Variants in STRN3 observed in about 807,000 individuals in gnomAD.
The protein encoded by STRN3 is striatin 3, also known as striatin-3.
STRN3 carries 29 observed loss-of-function variants against 95.6 expected under a neutral mutation model. That is an observed-to-expected ratio of 0.30 (90% CI 0.23 to 0.41). The LOEUF is 0.41. Among genes scored for constraint, STRN3 ranks in the 10% least tolerant of loss-of-function variants. The pLI, the probability that STRN3 is intolerant of heterozygous loss-of-function variation, is 1.00. For synonymous variants in STRN3, 331 were observed against 357.6 expected, an observed-to-expected ratio of 0.93 and a Z score of 0.84; for missense variants, 890 against 972.1, an observed-to-expected ratio of 0.92 and a Z score of 1.12.
chr14:30,926,637 TATA>T (rs1421865907), intron 8 of STRN3, among the ~76,000 whole-genome samples: 5 of 151,976 alleles, frequency 3.3e-5, no homozygotes, highest in African/African-American at 1.2e-4. Context: ...AAGTACTTCT[TATA>T]ATACTTCTTA....
intron 1 of STRN3, among the ~76,000 whole-genome samples, chr14:30,970,703 T>G (rs182003206): frequency 6.6e-6 from 1 of 152,216 alleles, no homozygotes; most frequent in East Asian, 1.9e-4. Context: ...CTCCTCCATC[T>G]AAGGACAAGG....
At position 30,955,669 on chromosome 14, in the gene STRN3, A is replaced by G. The variant is rs368540966; in HGVS notation, c.411T>C (p.Tyr137=). ...AGTCACCTTGGTTCAGTTCCGTGCC[A>G]TATTTTAATTTGTGATATTTTGCCC... ...QERAKYHKLK[Y]GTELNQGDLK... The change falls in exon 3 of 18, where the codon TAT becomes TAC. Residue 137 remains tyrosine (Y), a synonymous_variant. Coordinates refer to ENST00000357479, the MANE Select transcript of STRN3 (RefSeq NM_001083893.2). The G allele has an allele frequency of 3.0e-5, 48 of 1,582,774 alleles. No homozygotes were observed. Among genetic ancestry groups the G allele is most frequent in the Non-Finnish European group, 3.8e-5 (45 of 1,170,406 alleles).
chr14:30,893,972 A>G lies in STRN3; in HGVS notation c.*1439T>C, dbSNP rs1896061001. On this transcript the variant is annotated 3_prime_UTR_variant, in exon 18 of 18. Transcript: ENST00000357479. ...GTTTGCTATGTGGTACAATCTTAAA[A>G]ATTTGCTGATTCATAGTTTGTAAAA... 1 of 152,616 alleles carries G rather than the reference A, an allele frequency of 6.6e-6. No individual in the cohort carries two copies. Among genetic ancestry groups the G allele is most frequent in the African/African-American group, 2.4e-5 (1 of 41,458 alleles). 9.5% of individuals were successfully genotyped at this position (152,616 alleles called of 1,614,324 possible).
At chr14:30,918,522 GA>G (rs5807607) in intron 9 of STRN3, among the ~76,000 whole-genome samples, 97,356 of 148,714 alleles carry the variant, frequency 0.65, 32,083 homozygotes, top group Non-Finnish European at 0.72. Flanking sequence ...GAAAAAAAAA[GA>G]AAAAAAAAAA....
intron 8 of STRN3, among the ~76,000 whole-genome samples, chr14:30,924,841 C>A (rs1896981827): frequency 6.6e-6 from 1 of 151,908 alleles, no homozygotes; most frequent in South Asian, 2.1e-4. Context: ...AGAGTGACAG[C>A]CTGTCTCAAA....
intron 7 of STRN3, among the ~76,000 whole-genome samples, chr14:30,933,394 A>G (rs1046115975): frequency 1.3e-5 from 2 of 151,446 alleles, no homozygotes; most frequent in Non-Finnish European, 2.9e-5. Context: ...GTAAATATAT[A>G]TACATATACT....
intron 5 of STRN3, among the ~76,000 whole-genome samples, chr14:30,939,341 C>T (rs1000409592): frequency 2.0e-5 from 3 of 151,920 alleles, no homozygotes; most frequent in East Asian, 1.9e-4. Flanking sequence ...AAAAACAAAA[C>T]AAAAATGAGG....
intron 1 of STRN3, among the ~76,000 whole-genome samples, chr14:30,974,910 CAG>C (rs1881015966): frequency 6.6e-6 from 1 of 151,758 alleles, no homozygotes; most frequent in African/African-American, 2.4e-5. Flanking sequence ...TTGCTTGACA[CAG>C]AGTTGCCACA....
intron 1 of STRN3, among the ~76,000 whole-genome samples, chr14:30,959,191 C>T (rs1355240624): frequency 3.3e-5 from 5 of 152,010 alleles, no homozygotes; most frequent in South Asian, 2.1e-4. Flanking sequence ...CTGAGTGTGG[C>T]GGTGCACGCC....
intron 1 of STRN3, among the ~76,000 whole-genome samples, chr14:30,989,923 C>T (rs11622687): frequency 0.76 from 114,901 of 151,724 alleles, 44,338 homozygotes; most frequent in Non-Finnish European, 0.83. Context: ...GAAAGACTCA[C>T]AATGGTGACA....
intron 3 of STRN3, 43 bp from the exon 4 acceptor site, chr14:30,950,987 C>T: frequency 6.5e-7 from 1 of 1,543,246 alleles, no homozygotes; most frequent in Admixed American, 1.8e-5. Flanking sequence ...TTTATTTCGA[C>T]TCCTGAAAAT....
chr14:31,007,718 A>G (rs1215946018), intron 1 of STRN3, among the ~76,000 whole-genome samples: 1 of 152,008 alleles, frequency 6.6e-6, no homozygotes, highest in Non-Finnish European at 1.5e-5. Context: ...TCCTAGGCAA[A>G]TAACAAGACT....
chr14:30,947,604 CACACACACACAAACACA>C (rs1356597561), intron 4 of STRN3, among the ~76,000 whole-genome samples: 5 of 152,030 alleles, frequency 3.3e-5, no homozygotes, highest in African/African-American at 1.2e-4. Flanking sequence ...TTAATTTACA[CACACACACACAAACACA>C]ACACACACAC....
At position 30,980,138 on chromosome 14, in the gene STRN3, G is replaced by C. The variant is rs369891287; in HGVS notation, c.283-23896C>G. Among the ~76,000 whole-genome samples, 17 of 151,822 alleles carry C rather than the reference G, an allele frequency of 1.1e-4. No homozygotes were observed. In the East Asian group the frequency reaches 3.4e-3, roughly 31 times the overall value. On this transcript the variant is annotated intron_variant, in intron 1 of 17. Transcript: ENST00000357479. ...TGTGTGCCTATAATCCCAGCTACTC[G>C]GGAGGCTGAGGCAGGAGAACTGCTT... is the stretch of plus-strand genomic sequence containing the variant.
At chr14:31,017,571 T>C (rs969347063) in intron 1 of STRN3, among the ~76,000 whole-genome samples, 2 of 152,042 alleles carry the variant, frequency 1.3e-5, no homozygotes, top group Non-Finnish European at 2.9e-5. Context: ...ACTCATTGTA[T>C]TGAGGGACTT....
At chr14:30,981,236 G>T (rs1881382614) in intron 1 of STRN3, among the ~76,000 whole-genome samples, 1 of 151,550 alleles carries the variant, frequency 6.6e-6, no homozygotes, top group South Asian at 2.1e-4. Flanking sequence ...GACCACTGGA[G>T]CCCAGGAGTT....
At chr14:30,948,644 G>A (rs1302619284) in intron 4 of STRN3, among the ~76,000 whole-genome samples, 1 of 152,206 alleles carries the variant, frequency 6.6e-6, no homozygotes, top group Non-Finnish European at 1.5e-5. Context: ...AGTTGCTTCA[G>A]AGGAATGTCA....
intron 6 of STRN3, 82 bp downstream of exon 6, chr14:30,936,413 A>C: frequency 5.5e-6 from 8 of 1,456,640 alleles, no homozygotes; most frequent in Non-Finnish European, 4.6e-6. Flanking sequence ...AATCACTCCC[A>C]ATGTAACTTA....
intron 1 of STRN3, among the ~76,000 whole-genome samples, chr14:30,978,124 C>CA (rs1281943756): frequency 1.3e-5 from 2 of 152,066 alleles, no homozygotes; most frequent in Non-Finnish European, 2.9e-5. Flanking sequence ...TTCCAGAAAA[C>CA]AGAAGCAAAA....
Sources: allele counts gnomAD v4.1 joint callset (sites outside exome capture counted in the v4.1 genomes callset), GRCh38; gene constraint gnomAD v4.1.1; transcripts MANE v1.5; gene names NCBI Gene and HGNC (gene_info 2026-07-23, HGNC 2026-07-21).